The following EPM2A variants were observed in gnomAD, a reference collection of about 807,000 sequenced individuals.
EPM2A encodes the protein laforin.
Under a neutral mutation model 26.5 loss-of-function variants are expected in EPM2A, and 21 were observed. That is an observed-to-expected ratio of 0.79 (90% CI 0.56 to 1.14). EPM2A has a LOEUF of 1.14. Ranked by LOEUF, EPM2A falls within the 50% of genes most tolerant of loss-of-function variation. The pLI is 0.00. For missense variants in EPM2A, 458 were observed against 440.8 expected, an observed-to-expected ratio of 1.04 and a Z score of -0.35; for synonymous variants, 217 against 177.6, an observed-to-expected ratio of 1.22 and a Z score of -1.76.
intron 4 of EPM2A, among the ~76,000 whole-genome samples, chr6:145,483,520 A>T (rs1178844029): frequency 1.3e-5 from 2 of 152,128 alleles, no homozygotes; most frequent in African/African-American, 4.8e-5. Flanking sequence ...AACTGATGAT[A>T]TTATTTCATT....
intron 2 of EPM2A, among the ~76,000 whole-genome samples, chr6:145,614,206 G>C (rs1416949050): frequency 1.3e-5 from 2 of 152,176 alleles, no homozygotes; most frequent in Non-Finnish European, 2.9e-5. Flanking sequence ...ACCTCTGCTA[G>C]CTTCAAACTT....
At chr6:145,445,420 A>T (rs1480016829) in intron 4 of EPM2A, among the ~76,000 whole-genome samples, 18 of 152,226 alleles carry the variant, frequency 1.2e-4, no homozygotes, top group Admixed American at 7.2e-4. Flanking sequence ...AAACAAGTAA[A>T]TATAATTGTT....
At chr6:145,702,044 C>T (rs1387684314) in intron 1 of EPM2A, among the ~76,000 whole-genome samples, 2 of 152,154 alleles carry the variant, frequency 1.3e-5, no homozygotes, top group Admixed American at 1.3e-4. Flanking sequence ...CAAATCCCTC[C>T]TCTTCCAGGT....
chr6:145,677,390 T>G (rs1780137406), intron 2 of EPM2A, among the ~76,000 whole-genome samples: 1 of 152,200 alleles, frequency 6.6e-6, no homozygotes, highest in South Asian at 2.1e-4. Flanking sequence ...GGATGCCCTC[T>G]CTCACCACTC....
At chr6:145,439,890 C>T (rs546477142) in intron 4 of EPM2A, among the ~76,000 whole-genome samples, 2 of 152,248 alleles carry the variant, frequency 1.3e-5, no homozygotes, top group South Asian at 4.2e-4. Flanking sequence ...GAAATCTTTG[C>T]CAGTTCCAAT....
At chr6:145,614,113 G>A (rs749059024) in intron 2 of EPM2A, among the ~76,000 whole-genome samples, 4 of 152,204 alleles carry the variant, frequency 2.6e-5, no homozygotes, top group African/African-American at 9.7e-5. Context: ...ATAACTTGCC[G>A]CAGCTGCTAT....
At chr6:145,689,402 A>G (rs1193571880) in intron 1 of EPM2A, among the ~76,000 whole-genome samples, 1 of 152,220 alleles carries the variant, frequency 6.6e-6, no homozygotes, top group East Asian at 1.9e-4. Flanking sequence ...AAACCCTGAA[A>G]ATTATAAATA....
intron 3 of EPM2A, chr6:145,502,510 A>G: frequency 2.1e-6 from 1 of 469,840 alleles, no homozygotes; most frequent in Non-Finnish European, 4.4e-6. Flanking sequence ...GAGGAGGTGC[A>G]TACTCACTCA....
Position 145,582,034 on chromosome 6 carries a change from T to G in EPM2A, c.340+53211A>C, listed in dbSNP as rs542146139. Among the ~76,000 whole-genome samples the G allele has an allele frequency of 5.9e-5, 9 of 152,260 alleles. No homozygotes were observed. In the South Asian group the frequency reaches 1.2e-3, roughly 21 times the overall value. On this transcript the variant is annotated intron_variant, in intron 2 of 3. Coordinates refer to the EPM2A transcript ENST00000450221. The stretch of plus-strand genomic sequence containing the variant: ...AGGTTCCTCTATGTGTGATGTTAGG[T>G]TGTGAATTTGAGATCTTTCTAACTT...
At chr6:145,615,678 T>A (rs1380933304) in intron 2 of EPM2A, among the ~76,000 whole-genome samples, 1 of 151,974 alleles carries the variant, frequency 6.6e-6, no homozygotes, top group African/African-American at 2.4e-5. Context: ...CTGATAGTGA[T>A]ATGGACAATG....
At chr6:145,406,551 G>T (rs1778572314) in intron 4 of EPM2A, among the ~76,000 whole-genome samples, 1 of 152,094 alleles carries the variant, frequency 6.6e-6, no homozygotes, top group Admixed American at 6.6e-5. Context: ...CTTTTCATCT[G>T]ACTACAATTT....
At chr6:145,550,108 C>T (rs1780634582) in intron 2 of EPM2A, among the ~76,000 whole-genome samples, 2 of 152,068 alleles carry the variant, frequency 1.3e-5, no homozygotes, top group African/African-American at 2.4e-5. Flanking sequence ...CATTGGTCTG[C>T]TGATTACTTC....
chr6:145,496,730 T>TTTTTTTG (rs1779825537), downstream of EPM2A, among the ~76,000 whole-genome samples: 1 of 51,314 alleles, frequency 1.9e-5, no homozygotes, highest in South Asian at 1.1e-3. Flanking sequence ...TTCCTGCAAT[T>TTTTTTTG]TTTTTTTTTT....
chr6:145,525,737 G>A (rs434298), intron 2 of EPM2A, among the ~76,000 whole-genome samples: 68,616 of 151,868 alleles, frequency 0.45, 15,567 homozygotes, highest in South Asian at 0.59. Flanking sequence ...AATATTTTCC[G>A]TGAGGAGAAA....
At position 145,735,205 on chromosome 6, in the gene EPM2A, G is replaced by C; in HGVS notation, c.294C>G (p.Ser98=). The change falls in exon 1 of 4, where the codon TCC becomes TCG. Residue 98 remains serine (S), a synonymous_variant. Coordinates refer to ENST00000367519, the MANE Select transcript of EPM2A (RefSeq NM_005670.4). ...FLKREPGGEL[S]WEGNGPHHDR... ...GGCGTCTGCTGGCAATACCTTCCCA[G>C]GAGAGCTCTCCTCCCGGCTCCCGCT... The C allele has an allele frequency of 1.3e-6, 2 of 1,523,606 alleles. No homozygotes were observed. The highest frequency in any genetic ancestry group is 8.8e-7 in the Non-Finnish European group (1 of 1,132,866). 94.4% of individuals were successfully genotyped at this position (1,523,606 alleles called of 1,614,324 possible). A position where few individuals can be genotyped will look rare whatever the true frequency, so the allele number is the denominator to read the frequency against.
At chr6:145,446,197 G>T (rs1779126607) in intron 4 of EPM2A, among the ~76,000 whole-genome samples, 1 of 152,146 alleles carries the variant, frequency 6.6e-6, no homozygotes, top group South Asian at 2.1e-4. Context: ...AAGACCCTAA[G>T]TGAAACACCA....
intron 4 of EPM2A, among the ~76,000 whole-genome samples, chr6:145,488,522 T>TGTGAGA (rs1201742298): frequency 8.6e-5 from 12 of 139,920 alleles, no homozygotes; most frequent in African/African-American, 3.1e-4. Context: ...TGTGTGTGTG[T>TGTGAGA]GAGAGAGAGA....
In EPM2A at chr6:145,716,626, G is replaced by A. The variant is rs143228104; in HGVS notation, c.301+18572C>T. Among the ~76,000 whole-genome samples, 4 of 152,062 alleles carry A rather than the reference G, an allele frequency of 2.6e-5. 1 individual carries two copies. The highest frequency in any genetic ancestry group is 4.2e-4 in the South Asian group (2 of 4,812). On this transcript the variant is annotated intron_variant, in intron 1 of 3. Coordinates refer to ENST00000367519, the MANE Select transcript of EPM2A (RefSeq NM_005670.4). ...AGCCTCCTGCAGCTGCCATTCCCAC[G>A]CTCCTCACAACTGTGGCAGTCTTCT...
chr6:145,704,213 T>C (rs1251326194), intron 1 of EPM2A, among the ~76,000 whole-genome samples: 3 of 152,148 alleles, frequency 2.0e-5, no homozygotes, highest in African/African-American at 7.2e-5. Flanking sequence ...ATGGTAGTGG[T>C]TTATCTGAAT....
Sources: allele counts gnomAD v4.1 joint callset (sites outside exome capture counted in the v4.1 genomes callset), GRCh38; gene constraint gnomAD v4.1.1; transcripts MANE v1.5; gene names NCBI Gene and HGNC (gene_info 2026-07-23, HGNC 2026-07-21).